The following ATP2B4 variants were observed in gnomAD, a reference collection of about 807,000 sequenced individuals.
The protein encoded by ATP2B4 is plasma membrane calcium-transporting ATPase 4.
A neutral mutation model predicts 110.3 loss-of-function variants in ATP2B4; 39 were observed. The observed-to-expected ratio is 0.35, with a 90% CI of 0.27 to 0.46. ATP2B4 has a LOEUF of 0.46. ATP2B4 is among the 20% of genes least tolerant of loss of function. The pLI, the probability that ATP2B4 is intolerant of heterozygous loss-of-function variation, is 1.00. For missense variants in ATP2B4, 1,135 were observed against 1,530.9 expected (o/e 0.74, Z 4.32); for synonymous variants, 538 against 571.7 (o/e 0.94, Z 0.84).
chr1:203,675,861 G>A (rs1421975697), intron 1 of ATP2B4, among the ~76,000 whole-genome samples: 1 of 152,170 alleles, frequency 6.6e-6, no homozygotes, highest in African/African-American at 2.4e-5. Context: ...CTCTGGGAAA[G>A]GGGGCTGTCC....
chr1:203,652,129 C>A, intron 1 of ATP2B4, among the ~76,000 whole-genome samples: 1 of 132,082 alleles, frequency 7.6e-6, no homozygotes, highest in Admixed American at 8.9e-5. Context: ...GACTACTCCA[C>A]TAAAGCAACT....
chr1:203,733,316 C>T, intron 20 of ATP2B4: 1 of 1,614,106 alleles, frequency 6.2e-7, no homozygotes, highest in Non-Finnish European at 8.5e-7. Flanking sequence ...AAAACTTGTT[C>T]CTAGTTCATC....
chr1:203,664,660 G>A (rs1273673201), intron 1 of ATP2B4, among the ~76,000 whole-genome samples: 1 of 152,098 alleles, frequency 6.6e-6, no homozygotes, highest in Admixed American at 6.5e-5. Flanking sequence ...GGGTGCAGGG[G>A]CCCCACGGGG....
intron 11 of ATP2B4, 66 bp downstream of exon 11, chr1:203,709,608 C>A: frequency 6.2e-7 from 1 of 1,600,958 alleles, no homozygotes; most frequent in Non-Finnish European, 8.5e-7. Context: ...GGGTGCACAC[C>A]CCACACTGAA....
At chr1:203,669,975 C>T (rs529386048) in intron 1 of ATP2B4, among the ~76,000 whole-genome samples, 103 of 152,316 alleles carry the variant, frequency 6.8e-4, no homozygotes, top group Non-Finnish European at 1.0e-3. Flanking sequence ...TGAGTCACCT[C>T]TTTGCCTGCC....
chr1:203,663,049 A>G (rs1366365219), intron 1 of ATP2B4, among the ~76,000 whole-genome samples: 1 of 152,146 alleles, frequency 6.6e-6, no homozygotes, highest in Non-Finnish European at 1.5e-5. Flanking sequence ...CCCTCCTTTC[A>G]ATGCTGAAGG....
rs2102245188 is a variant in ATP2B4 at position 203,740,259 on chromosome 1, T to C, written c.*405T>C. 1 of 177,626 alleles carries C rather than the reference T, an allele frequency of 5.6e-6. No individual in the cohort carries two copies. The highest frequency in any genetic ancestry group is 2.4e-5 in the African/African-American group (1 of 42,384). 11.0% of individuals were successfully genotyped at this position (177,626 alleles called of 1,614,324 possible). ...AGTTGAGGGTTCAGAGGGAGACAAA[T>C]ATCCCCAAGTGAAATATGTTGCGGT... On this transcript the variant is annotated 3_prime_UTR_variant, in exon 21 of 21. Transcript: ENST00000357681.
intron 1 of ATP2B4, among the ~76,000 whole-genome samples, chr1:203,679,626 T>A (rs1299944059): frequency 6.6e-6 from 1 of 152,176 alleles, no homozygotes; most frequent in Non-Finnish European, 1.5e-5. Context: ...AGTTCACGCC[T>A]CTAATCCTAG....
chr1:203,699,446 C>T lies in ATP2B4; in HGVS notation c.392-14C>T, dbSNP rs766576963. Reference sequence around the variant, plus strand: ...AAGCCCTTCAGTGACTATTTCTCTCCCTTCCTGGGATAGTGTGTGGTCAAG... The same window carrying T: ...AAGCCCTTCAGTGACTATTTCTCTCTCTTCCTGGGATAGTGTGTGGTCAAG... On this transcript the variant is annotated splice_polypyrimidine_tract_variant and intron_variant, in intron 3 of 20. Coordinates refer to ENST00000357681, the MANE Select transcript of ATP2B4 (RefSeq NM_001684.5). The T allele has an allele frequency of 6.8e-6, 11 of 1,613,370 alleles. No individual in the cohort carries two copies. Among genetic ancestry groups the T allele is most frequent in the South Asian group, 5.5e-5 (5 of 91,052 alleles).
At chr1:203,648,834 A>G (rs1156426505) in intron 1 of ATP2B4, among the ~76,000 whole-genome samples, 2 of 152,230 alleles carry the variant, frequency 1.3e-5, no homozygotes, top group Non-Finnish European at 2.9e-5. Flanking sequence ...TTATGAATAT[A>G]GAGAGTTTTT....
rs1283750753 is a variant in ATP2B4, at chr1:203,743,322, G to A, written c.*3468G>A. ...AGACTTCCTCACCTTTCATATCTAG[G>A]GACCACCCCCGATGCATTGGTGAGG... On this transcript the variant is annotated 3_prime_UTR_variant, in exon 21 of 21. Transcript: ENST00000357681. The A allele has an allele frequency of 6.6e-6, 1 of 152,512 alleles. No homozygotes were observed. The highest frequency in any genetic ancestry group is 2.4e-5 in the African/African-American group (1 of 41,398). The allele number at this position is 152,512 out of a possible 1,614,324, so 9.4% of individuals were successfully genotyped here.
At position 203,641,886 on chromosome 1, in the gene ATP2B4, G is replaced by A. The variant is rs1663641653; in HGVS notation, c.-465+14667G>A. On this transcript the variant is annotated intron_variant, in intron 1 of 20. Coordinates refer to ENST00000357681, the MANE Select transcript of ATP2B4 (RefSeq NM_001684.5). ...CTCATTGATATATCCCAAGTGCCCA[G>A]AACAGTATTTGGCACATAGTAAGTA... Among the ~76,000 whole-genome samples, 3 of 152,276 alleles carry A rather than the reference G, an allele frequency of 2.0e-5. No individual in the cohort carries two copies. The South Asian group carries it at 6.2e-4, about 32-fold the overall frequency.
intron 2 of ATP2B4, among the ~76,000 whole-genome samples, chr1:203,697,691 A>C (rs879753964): frequency 2.6e-5 from 4 of 152,124 alleles, no homozygotes; most frequent in African/African-American, 2.4e-5. Context: ...TCAGGAAGGA[A>C]AGGGTCTTTT....
intron 1 of ATP2B4, among the ~76,000 whole-genome samples, chr1:203,658,130 T>C (rs1664221910): frequency 6.6e-6 from 1 of 152,006 alleles, no homozygotes. Flanking sequence ...ACCAAAACAA[T>C]AATAAATAAC....
At chr1:203,727,157 T>C (rs1178756548) in intron 19 of ATP2B4, among the ~76,000 whole-genome samples, 2 of 152,306 alleles carry the variant, frequency 1.3e-5, no homozygotes, top group South Asian at 2.1e-4. Flanking sequence ...ATTACTAGAA[T>C]AGAAGCTCTC....
At chr1:203,662,091 C>T (rs753170099) in intron 1 of ATP2B4, among the ~76,000 whole-genome samples, 6 of 151,544 alleles carry the variant, frequency 4.0e-5, no homozygotes, top group African/African-American at 1.2e-4. Flanking sequence ...TGCAGTGGCA[C>T]GATCTCACTG....
chr1:203,727,433 G>T lies in ATP2B4; in HGVS notation c.3171G>T (p.Leu1057=). Residue 1057 remains leucine (L), a synonymous_variant, in exon 20 of 21, where the codon CTG becomes CTT. Transcript: ENST00000357681. The part of the protein sequence containing the change: ...SAIPTRSLKF[L]KEAGHGTTKE... Reference sequence around the variant, plus strand: ...TACCTACCCGATCCCTGAAGTTCCTGAAGGAGGCTGGGCATGGCACCACCA... The same window carrying T: ...TACCTACCCGATCCCTGAAGTTCCTTAAGGAGGCTGGGCATGGCACCACCA... 5 of 1,614,216 alleles carry T rather than the reference G, an allele frequency of 3.1e-6. No homozygotes were observed. Among genetic ancestry groups the T allele is most frequent in the Non-Finnish European group, 4.2e-6 (5 of 1,180,022 alleles).
intron 1 of ATP2B4, among the ~76,000 whole-genome samples, chr1:203,672,952 G>T (rs1398397210): frequency 6.6e-6 from 1 of 152,104 alleles, no homozygotes; most frequent in African/African-American, 2.4e-5. Context: ...AAAAATGTGG[G>T]CTTTTTCAGG....
rs1211661245 is a variant in ATP2B4, at chr1:203,710,849, A to G, written c.1800-28A>G. 11 of 1,522,264 alleles carry G rather than the reference A, an allele frequency of 7.2e-6. No individual in the cohort carries two copies. The Admixed American group carries it at 1.9e-4, about 27-fold the overall frequency. 94.3% of individuals were successfully genotyped at this position (1,522,264 alleles called of 1,614,324 possible). A position where few individuals can be genotyped will look rare whatever the true frequency, so the allele number is the denominator to read the frequency against. On this transcript the variant is annotated intron_variant, in intron 11 of 20. Coordinates refer to ENST00000357681, the MANE Select transcript of ATP2B4 (RefSeq NM_001684.5). Reference sequence around the variant, plus strand: ...AAACGTATTGAGTGGGAAGGGAGACACCGCGTTCTTACTGTGCGCCTCCCC... The same window carrying G: ...AAACGTATTGAGTGGGAAGGGAGACGCCGCGTTCTTACTGTGCGCCTCCCC...
Sources: allele counts gnomAD v4.1 joint callset (sites outside exome capture counted in the v4.1 genomes callset), GRCh38; gene constraint gnomAD v4.1.1; transcripts MANE v1.5; gene names NCBI Gene and HGNC (gene_info 2026-07-23, HGNC 2026-07-21).